WRN: variants seen among roughly 807,000 people sequenced by gnomAD.
WRN encodes the protein WRN RecQ like helicase.
A neutral mutation model predicts 180.7 loss-of-function variants in WRN; 149 were observed. That is an observed-to-expected ratio of 0.82 (90% CI 0.72 to 0.94). The LOEUF (loss-of-function observed/expected upper bound fraction) is 0.94. Among genes scored for constraint, WRN ranks in the 40% least tolerant of loss-of-function variants. WRN has a pLI of 0.00. For missense variants in WRN, 1,661 were observed against 1,700.1 expected, an observed-to-expected ratio of 0.98 and a Z score of 0.40; for synonymous variants, 548 against 568.9, an observed-to-expected ratio of 0.96 and a Z score of 0.52.
chr8:31,124,951 T>G lies in WRN; in HGVS notation c.2776T>G (p.Ser926Ala), dbSNP rs1585490248. Residue 926 changes from serine (S) to alanine (A), a missense_variant, in exon 23 of 35, where the codon TCC becomes GCC. Ser to Ala is a moderately conservative substitution (Grantham distance 99). This residue lies in a region of WRN where 1,141 missense variants were observed against 1,149.4 expected (regional missense o/e 0.99). Transcript: ENST00000298139. ...TGAGGACAAACAAGTACAAAAAGCC[T>G]CCTTGGGAATTATGGGAACTGAAAA... ...HFEDKQVQKA[S>A]LGIMGTEKCC... 1 of 1,613,184 alleles carries G rather than the reference T, an allele frequency of 6.2e-7. No homozygotes were observed. Among genetic ancestry groups the G allele is most frequent in the Non-Finnish European group, 8.5e-7 (1 of 1,179,488 alleles).
At chr8:31,159,633 TTATATC>T (rs1563388802) in intron 33 of WRN, among the ~76,000 whole-genome samples, 1 of 151,470 alleles carries the variant, frequency 6.6e-6, no homozygotes, top group African/African-American at 2.4e-5. Context: ...CCCCAAAAAA[TTATATC>T]TATTAAAAAA....
At chr8:31,060,019 G>GC (rs1812429023) in intron 3 of WRN, among the ~76,000 whole-genome samples, 1 of 151,744 alleles carries the variant, frequency 6.6e-6, no homozygotes, top group African/African-American at 2.4e-5. Flanking sequence ...TTGCATCACT[G>GC]CACTCCAGCC....
chr8:31,097,337 A>G (rs760321100), intron 17 of WRN, among the ~76,000 whole-genome samples: 14 of 152,138 alleles, frequency 9.2e-5, no homozygotes, highest in Non-Finnish European at 1.6e-4. Context: ...GGTAACCAAC[A>G]CCCAACTCTG....
At chr8:31,108,637 T>A (rs1801185743) in intron 18 of WRN, among the ~76,000 whole-genome samples, 1 of 151,802 alleles carries the variant, frequency 6.6e-6, no homozygotes. Context: ...AGGGATATCA[T>A]TGCTAAAAAA....
intron 18 of WRN, among the ~76,000 whole-genome samples, chr8:31,102,557 A>G (rs1258978759): frequency 1.3e-5 from 2 of 152,230 alleles, no homozygotes; most frequent in Non-Finnish European, 2.9e-5. Flanking sequence ...ATTGCAGGCA[A>G]TTGTAATACA....
chr8:31,167,728 A>T (rs1803954566), intron 34 of WRN, among the ~76,000 whole-genome samples: 1 of 152,072 alleles, frequency 6.6e-6, no homozygotes, highest in Non-Finnish European at 1.5e-5. Context: ...AAAGATTACA[A>T]ATTTAGTATT....
chr8:31,100,249 A>G (rs2737327), intron 17 of WRN, among the ~76,000 whole-genome samples: 105,287 of 152,068 alleles, frequency 0.69, 40,299 homozygotes, highest in East Asian at 0.97. Context: ...GGGGCGGAGT[A>G]GAGAGGCTAC....
At position 31,087,756 on chromosome 8, in the gene WRN, G is replaced by A; in HGVS notation, c.1432-20G>A. On this transcript the variant is annotated intron_variant, in intron 11 of 34. Coordinates refer to ENST00000298139, the MANE Select transcript of WRN (RefSeq NM_000553.6). The stretch of plus-strand genomic sequence containing the variant: ...ACACTGTCAGTGGTTTTGCTTTTAA[G>A]ATTTCTTTTAAACTTTCAGTCTTTA... 6.2e-7 allele frequency: 1 copy of A among 1,610,764 alleles called. No individual in the cohort carries two copies. The highest frequency in any genetic ancestry group is 8.5e-7 in the Non-Finnish European group (1 of 1,177,716).
At chr8:31,124,846 G>A in intron 22 of WRN, 62 bp from the exon 23 acceptor site, 1 of 1,490,356 alleles carries the variant, frequency 6.7e-7, no homozygotes, top group South Asian at 1.2e-5. Context: ...ATTATTTTCA[G>A]GAATGAACTT....
At chr8:31,047,892 C>T (rs1431303692) in intron 1 of WRN, among the ~76,000 whole-genome samples, 11 of 152,160 alleles carry the variant, frequency 7.2e-5, no homozygotes, top group Non-Finnish European at 1.6e-4. Flanking sequence ...TTCGCTGTGC[C>T]ATGGATTCAG....
At chr8:31,055,481 A>G (rs1283356626) in intron 1 of WRN, among the ~76,000 whole-genome samples, 2 of 152,178 alleles carry the variant, frequency 1.3e-5, no homozygotes, top group South Asian at 2.1e-4. Context: ...TTTGATTTGT[A>G]TACAAAAAAG....
In WRN at chr8:31,110,460, TCTTAAA is replaced by T. The variant is rs575684613; in HGVS notation, c.2089-1149_2089-1144del. On this transcript the variant is annotated intron_variant, in intron 18 of 34. Transcript: ENST00000298139. ...ATTTTTTTAATTTGAAAAAACCTAC[TCTTAAA>T]CTTAATTGATTTTTTTAAATATAAG... Among the ~76,000 whole-genome samples, 38 of 152,294 alleles carry T rather than the reference TCTTAAA, an allele frequency of 2.5e-4. 1 individual carries two copies. In the South Asian group the frequency reaches 5.4e-3, roughly 22 times the overall value.
chr8:31,113,993 A>AT (rs35893391), intron 19 of WRN, among the ~76,000 whole-genome samples: 80 of 150,562 alleles, frequency 5.3e-4, no homozygotes, highest in African/African-American at 1.0e-3. Flanking sequence ...TTTAATATGA[A>AT]TTTTTTTTTT....
intron 19 of WRN, among the ~76,000 whole-genome samples, chr8:31,116,078 T>C (rs1365705372): frequency 2.0e-5 from 3 of 152,218 alleles, no homozygotes; most frequent in African/African-American, 7.2e-5. Flanking sequence ...AGGTTTCAGC[T>C]AAAACAAATA....
intron 30 of WRN, among the ~76,000 whole-genome samples, 169 bp from the exon 31 acceptor site, chr8:31,150,172 A>G (rs1031667257): frequency 2.6e-5 from 4 of 152,214 alleles, no homozygotes; most frequent in South Asian, 2.1e-4. Context: ...AAAGAAAGAA[A>G]TTATAAAACA....
At chr8:31,046,636 A>G (rs1371148062) in intron 1 of WRN, among the ~76,000 whole-genome samples, 1 of 152,114 alleles carries the variant, frequency 6.6e-6, no homozygotes, top group Non-Finnish European at 1.5e-5. Context: ...GCAGAAATTC[A>G]CCTTCTCTTT....
At chr8:31,154,544 T>C in intron 31 of WRN, 80 bp from the exon 32 acceptor site, 1 of 1,479,046 alleles carries the variant, frequency 6.8e-7, no homozygotes, top group Non-Finnish European at 9.1e-7. Context: ...TATTTTTTTC[T>C]TAATGGCTAA....
Position 31,068,242 on chromosome 8 carries a change from TTC to T in WRN, c.655-14_655-13del. 1 of 1,581,004 alleles carries T rather than the reference TTC, an allele frequency of 6.3e-7. No homozygotes were observed. Among genetic ancestry groups the T allele is most frequent in the Non-Finnish European group, 8.7e-7 (1 of 1,154,502 alleles). On this transcript the variant is annotated splice_polypyrimidine_tract_variant and intron_variant, in intron 6 of 34. Transcript: ENST00000298139. ...GATCTTTAGCATACTTTTTAAATTT[TTC>T]TGTTTTTTTATAGGCTGGTTTTATT... is the stretch of plus-strand genomic sequence containing the variant.
Position 31,175,103 on chromosome 8 carries a change from G to T in WRN, c.*2001G>T, listed in dbSNP as rs567054207. Among the ~76,000 whole-genome samples, 6 of 151,942 alleles carry T rather than the reference G, an allele frequency of 3.9e-5. No individual in the cohort carries two copies. The highest frequency in any genetic ancestry group is 7.4e-5 in the Non-Finnish European group (5 of 67,988). Reference sequence around the variant, plus strand: ...GTTTCGAAGATCCGTATAACTCAGTGAATCAGTATGTTCTGGATGACTAAT... The same window carrying T: ...GTTTCGAAGATCCGTATAACTCAGTTAATCAGTATGTTCTGGATGACTAAT... On this transcript the variant is annotated 3_prime_UTR_variant, in exon 35 of 35. Transcript: ENST00000298139.
Sources: gnomAD v4.1 joint callset for allele counts (sites outside exome capture counted in the v4.1 genomes callset) on GRCh38, gnomAD v4.1.1 for gene constraint, gnomAD v4.1.1 regional missense constraint, MANE v1.5 for transcripts, NCBI Gene and HGNC (gene_info 2026-07-23, HGNC 2026-07-21) for gene names.